DLEU7: variants seen among roughly 807,000 people sequenced by gnomAD.
DLEU7 encodes deleted in lymphocytic leukemia 7.
Under a neutral mutation model 16.0 loss-of-function variants are expected in DLEU7, and 17 were observed. That is an observed-to-expected ratio of 1.06 (90% CI 0.73 to 1.59). The LOEUF (loss-of-function observed/expected upper bound fraction) is 1.59. Among genes scored for constraint, DLEU7 ranks in the 40% most tolerant of loss-of-function variants. DLEU7 has a pLI of 0.00. For synonymous variants in DLEU7, 113 were observed against 139.8 expected (o/e 0.81, Z 1.35); for missense variants, 308 against 314.9 (o/e 0.98, Z 0.17).
chr13:50,742,306 A>G (rs1319268382), intron 1 of DLEU7, among the ~76,000 whole-genome samples: 1 of 152,206 alleles, frequency 6.6e-6, no homozygotes, highest in Non-Finnish European at 1.5e-5. Context: ...ATGTAAGAGC[A>G]TTTGGTGGAA....
rs141549370 is a variant in DLEU7 at position 50,832,273 on chromosome 13, A to T, written c.460-8753T>A. Among the ~76,000 whole-genome samples the T allele has an allele frequency of 6.4e-4, 97 of 152,312 alleles. 4 individuals carry two copies. In the East Asian group the frequency reaches 0.015, roughly 23 times the overall value. Reference sequence around the variant, plus strand: ...TCTAGAATTTCTAGCTTATTTGCACAGAGGTGTTTATAGTATTCTCTGATG... The same window carrying T: ...TCTAGAATTTCTAGCTTATTTGCACTGAGGTGTTTATAGTATTCTCTGATG... On this transcript the variant is annotated intron_variant, in intron 1 of 1. Transcript: ENST00000504404.
intron 1 of DLEU7, among the ~76,000 whole-genome samples, chr13:50,778,615 CAAAAAGAAA>C (rs915997267): frequency 1.3e-5 from 2 of 152,122 alleles, no homozygotes; most frequent in Non-Finnish European, 2.9e-5. Context: ...GATCAAAAGA[CAAAAAGAAA>C]AACATTCTTT....
chr13:50,842,506 G>C (rs1001902702), intron 1 of DLEU7, among the ~76,000 whole-genome samples: 3 of 152,194 alleles, frequency 2.0e-5, no homozygotes, highest in African/African-American at 7.2e-5. Flanking sequence ...CCCTTCCCGG[G>C]CTAAATTGGC....
intron 1 of DLEU7, among the ~76,000 whole-genome samples, chr13:50,802,984 G>A (rs1876290863): frequency 6.6e-6 from 1 of 152,062 alleles, no homozygotes; most frequent in Non-Finnish European, 1.5e-5. Flanking sequence ...ATTGTGTAAT[G>A]TTTCATAATT....
intron 1 of DLEU7, among the ~76,000 whole-genome samples, chr13:50,762,962 G>C (rs1200784734): frequency 6.6e-6 from 1 of 152,180 alleles, no homozygotes; most frequent in Non-Finnish European, 1.5e-5. Flanking sequence ...CTGGTGGAGA[G>C]AAAGTGCCCT....
chr13:50,791,804 A>G, intron 1 of DLEU7, among the ~76,000 whole-genome samples: 1 of 152,204 alleles, frequency 6.6e-6, no homozygotes, highest in East Asian at 1.9e-4. Flanking sequence ...AAATCCAGAA[A>G]TGTATTTTTA....
downstream of DLEU7, chr13:50,711,778 C>CGG (rs1160698521): frequency 2.8e-4 from 13 of 45,798 alleles, 2 homozygotes; most frequent in African/African-American, 1.5e-3. Context: ...GTGGCGGGGG[C>CGG]GGGGGGCATT....
chr13:50,771,863 G>T (rs1008204348), intron 1 of DLEU7, among the ~76,000 whole-genome samples: 1 of 152,102 alleles, frequency 6.6e-6, no homozygotes, highest in African/African-American at 2.4e-5. Context: ...TGACAGTGGG[G>T]TATTAAAGTC....
At chr13:50,818,352 G>C (rs922207523), downstream of DLEU7, among the ~76,000 whole-genome samples, 1 of 152,112 alleles carries the variant, frequency 6.6e-6, no homozygotes, top group Admixed American at 6.5e-5. Context: ...TTGAGTGATT[G>C]CTACATGATT....
intron 1 of DLEU7, among the ~76,000 whole-genome samples, chr13:50,790,484 G>A (rs931291536): frequency 1.4e-5 from 2 of 147,860 alleles, no homozygotes; most frequent in African/African-American, 5.0e-5. Flanking sequence ...GGAGACCCCC[G>A]CTGCTTTTTC....
intron 1 of DLEU7, among the ~76,000 whole-genome samples, chr13:50,715,085 G>A (rs1291902354): frequency 1.3e-5 from 2 of 152,132 alleles, no homozygotes; most frequent in African/African-American, 4.8e-5. Flanking sequence ...GCGGGCTGTC[G>A]GCGGGAACTG....
intron 1 of DLEU7, among the ~76,000 whole-genome samples, chr13:50,778,848 T>A (rs1875575259): frequency 6.6e-6 from 1 of 152,208 alleles, no homozygotes; most frequent in East Asian, 1.9e-4. Context: ...ATGGAAAAAA[T>A]TGCTTTTGAT....
intron 1 of DLEU7, among the ~76,000 whole-genome samples, chr13:50,826,796 T>C (rs1196874033): frequency 6.6e-6 from 1 of 152,090 alleles, no homozygotes; most frequent in East Asian, 1.9e-4. Flanking sequence ...AAAATACAGA[T>C]GGACTTCAAC....
At chr13:50,767,193 C>A (rs574814096) in intron 1 of DLEU7, among the ~76,000 whole-genome samples, 1 of 152,156 alleles carries the variant, frequency 6.6e-6, no homozygotes, top group Non-Finnish European at 1.5e-5. Context: ...CGGTGGCTCA[C>A]GCCTGTAATC....
chr13:50,724,808 C>T (rs1169238585), intron 1 of DLEU7, among the ~76,000 whole-genome samples: 5 of 152,190 alleles, frequency 3.3e-5, no homozygotes, highest in African/African-American at 1.2e-4. Context: ...GAGCAGCCAC[C>T]ATTTCAAATG....
At chr13:50,812,775 T>C (rs112403717) in intron 1 of DLEU7, among the ~76,000 whole-genome samples, 1 of 152,090 alleles carries the variant, frequency 6.6e-6, no homozygotes, top group African/African-American at 2.4e-5. Context: ...GTTATACATA[T>C]GTATGTATAT....
chr13:50,745,804 CCT>C, intron 1 of DLEU7, among the ~76,000 whole-genome samples: 1 of 152,018 alleles, frequency 6.6e-6, no homozygotes. Flanking sequence ...CAGTGAATTT[CCT>C]GATTCTTTCA....
chr13:50,842,338 A>C (rs1877692693), intron 1 of DLEU7, among the ~76,000 whole-genome samples: 1 of 152,162 alleles, frequency 6.6e-6, no homozygotes, highest in Admixed American at 6.5e-5. Flanking sequence ...GCCCCAGGGA[A>C]ATAAAATACA....
intron 1 of DLEU7, among the ~76,000 whole-genome samples, chr13:50,786,452 C>G (rs1875797172): frequency 6.6e-6 from 1 of 152,124 alleles, no homozygotes; most frequent in African/African-American, 2.4e-5. Context: ...TAGGTTAATC[C>G]AGAACCTGCC....
Sources: allele counts gnomAD v4.1 joint callset (sites outside exome capture counted in the v4.1 genomes callset), GRCh38; gene constraint gnomAD v4.1.1; transcripts MANE v1.5; gene names NCBI Gene and HGNC (gene_info 2026-07-23, HGNC 2026-07-21).